CABCOCO1: variants seen among roughly 807,000 people sequenced by gnomAD.
CABCOCO1 encodes ciliary associated calcium binding coiled-coil 1, also known as ciliary-associated calcium-binding coiled-coil protein 1.
Under a neutral mutation model 35.7 loss-of-function variants are expected in CABCOCO1, and 28 were observed. That is an observed-to-expected ratio of 0.78 (90% CI 0.58 to 1.07). The LOEUF (loss-of-function observed/expected upper bound fraction) is 1.07, where lower values mean the gene tolerates loss of function less well. CABCOCO1 is among the 50% of genes least tolerant of loss of function. The pLI, the probability that CABCOCO1 is intolerant of heterozygous loss-of-function variation, is 0.00. For synonymous variants in CABCOCO1, 95 were observed against 100.1 expected, an observed-to-expected ratio of 0.95 and a Z score of 0.30; for missense variants, 326 against 309.2, an observed-to-expected ratio of 1.05 and a Z score of -0.41.
intron 2 of CABCOCO1, among the ~76,000 whole-genome samples, chr10:61,679,099 C>G (rs1213947323): frequency 6.6e-6 from 1 of 151,892 alleles, no homozygotes. Flanking sequence ...CACATATTAC[C>G]CCTCTCAAAA....
chr10:61,672,148 T>C (rs1203321296), intron 1 of CABCOCO1, among the ~76,000 whole-genome samples: 2 of 152,230 alleles, frequency 1.3e-5, no homozygotes, highest in African/African-American at 2.4e-5. Flanking sequence ...CCAAAGCCTA[T>C]TCCTGGAACT....
chr10:61,756,356 C>T (rs1841897523), intron 5 of CABCOCO1, among the ~76,000 whole-genome samples: 1 of 152,010 alleles, frequency 6.6e-6, no homozygotes, highest in East Asian at 1.9e-4. Context: ...AACTAATTTT[C>T]TAGCAACCAC....
intron 4 of CABCOCO1, among the ~76,000 whole-genome samples, chr10:61,689,854 C>T (rs1356006035): frequency 6.6e-6 from 1 of 152,220 alleles, no homozygotes; most frequent in East Asian, 1.9e-4. Flanking sequence ...TAATGCATTG[C>T]TCCTTAAACT....
intron 2 of CABCOCO1, among the ~76,000 whole-genome samples, chr10:61,677,886 A>C (rs1839572504): frequency 1.5e-5 from 2 of 137,446 alleles, no homozygotes. Context: ...CTGGTTCTCC[A>C]GAAGTGTTTC....
intron 1 of CABCOCO1, among the ~76,000 whole-genome samples, chr10:61,667,742 T>C (rs1839235781): frequency 6.6e-6 from 1 of 151,902 alleles, no homozygotes; most frequent in Admixed American, 6.5e-5. Context: ...TGCCAAATTT[T>C]TTATTAGTAA....
chr10:61,737,390 G>T (rs1841443114), intron 5 of CABCOCO1, among the ~76,000 whole-genome samples: 1 of 152,078 alleles, frequency 6.6e-6, no homozygotes, highest in African/African-American at 2.4e-5. Context: ...AAAGCAGTGT[G>T]GTGATTTCTC....
intron 5 of CABCOCO1, among the ~76,000 whole-genome samples, chr10:61,695,753 T>C (rs2132004453): frequency 6.6e-6 from 1 of 151,950 alleles, no homozygotes; most frequent in African/African-American, 2.4e-5. Context: ...TAACTGTCAA[T>C]CTAGAACTTC....
intron 5 of CABCOCO1, among the ~76,000 whole-genome samples, chr10:61,706,761 G>T (rs1840601710): frequency 6.6e-6 from 1 of 152,050 alleles, no homozygotes. Context: ...TTGAGGCTGG[G>T]GAGGTTTCAT....
chr10:61,690,491 A>T (rs1482609489), intron 4 of CABCOCO1, 58 bp from the exon 5 acceptor site: 30 of 1,152,064 alleles, frequency 2.6e-5, no homozygotes, highest in Non-Finnish European at 3.7e-5. Flanking sequence ...GTCTTTACAT[A>T]TTGTGTTTTT....
At chr10:61,714,867 G>T (rs1840821493) in intron 5 of CABCOCO1, among the ~76,000 whole-genome samples, 1 of 152,170 alleles carries the variant, frequency 6.6e-6, no homozygotes, top group Admixed American at 6.5e-5. Context: ...TTGCACTGTG[G>T]TCTGAGAGAC....
intron 5 of CABCOCO1, among the ~76,000 whole-genome samples, chr10:61,742,574 T>G (rs1841572317): frequency 6.6e-6 from 1 of 152,188 alleles, no homozygotes; most frequent in Admixed American, 6.6e-5. Context: ...AACAGTAACA[T>G]CACCTCTCAG....
At chr10:61,752,237 T>C (rs1489095972) in intron 5 of CABCOCO1, among the ~76,000 whole-genome samples, 3 of 152,100 alleles carry the variant, frequency 2.0e-5, no homozygotes, top group Non-Finnish European at 4.4e-5. Context: ...GTGTCCTGTT[T>C]CTAGAATGCC....
At chr10:61,684,661 C>G in intron 3 of CABCOCO1, among the ~76,000 whole-genome samples, 1 of 152,110 alleles carries the variant, frequency 6.6e-6, no homozygotes, top group Admixed American at 6.5e-5. Flanking sequence ...ACATTCATCT[C>G]CCCCAGGCGG....
chr10:61,695,088 T>C (rs1219491684), intron 5 of CABCOCO1, among the ~76,000 whole-genome samples: 1 of 151,938 alleles, frequency 6.6e-6, no homozygotes, highest in African/African-American at 2.4e-5. Flanking sequence ...CTCCAGATGA[T>C]GGAGTAATTA....
At chr10:61,678,846 AG>A (rs1183921452) in intron 2 of CABCOCO1, among the ~76,000 whole-genome samples, 4 of 152,246 alleles carry the variant, frequency 2.6e-5, no homozygotes, top group Admixed American at 1.3e-4. Context: ...CATTATGGCA[AG>A]GGGGTGAAAT....
intron 2 of CABCOCO1, 78 bp from the exon 3 acceptor site, chr10:61,681,064 AC>A: frequency 1.3e-6 from 1 of 797,756 alleles, no homozygotes; most frequent in Non-Finnish European, 1.7e-6. Context: ...AAAGAAAAAG[AC>A]CTGTTTTCAA....
chr10:61,739,633 C>T (rs780343340), intron 5 of CABCOCO1, among the ~76,000 whole-genome samples: 2 of 151,100 alleles, frequency 1.3e-5, no homozygotes, highest in Non-Finnish European at 1.5e-5. Flanking sequence ...CATATAGCAA[C>T]GGTAATGGAA....
At chr10:61,694,962 T>C (rs1447420395) in intron 5 of CABCOCO1, among the ~76,000 whole-genome samples, 2 of 152,084 alleles carry the variant, frequency 1.3e-5, no homozygotes, top group Non-Finnish European at 1.5e-5. Context: ...ATAGTGTTGT[T>C]AACTTCCTCT....
At chr10:61,690,735 A>AGAACTAGAAATACCATTTG in intron 5 of CABCOCO1, 114 bp downstream of exon 5, 1 of 595,298 alleles carries the variant, frequency 1.7e-6, no homozygotes, top group Non-Finnish European at 2.9e-6. Flanking sequence ...TTCAAGTGTT[A>AGAACTAGAAATACCATTTG]ATATAATCAA....
Sources: allele counts gnomAD v4.1 joint callset (sites outside exome capture counted in the v4.1 genomes callset), GRCh38; gene constraint gnomAD v4.1.1; transcripts MANE v1.5; gene names NCBI Gene and HGNC (gene_info 2026-07-23, HGNC 2026-07-21).